PXDN: variants seen among roughly 807,000 people sequenced by gnomAD.
The protein encoded by PXDN is peroxidasin homolog.
In PXDN, 77 loss-of-function variants were observed where a neutral mutation model predicts 140.3. The observed-to-expected ratio is 0.55, with a 90% CI of 0.46 to 0.66. The LOEUF (loss-of-function observed/expected upper bound fraction) is 0.66, where lower values mean the gene tolerates loss of function less well. PXDN is among the 30% of genes least tolerant of loss of function. PXDN has a pLI of 0.00. For synonymous variants in PXDN, 911 were observed against 857.4 expected, an observed-to-expected ratio of 1.06 and a Z score of -1.09; for missense variants, 1,838 against 2,039.5, an observed-to-expected ratio of 0.90 and a Z score of 1.90.
chr2:1,634,936 G>C (rs1268470186), intron 22 of PXDN, among the ~76,000 whole-genome samples: 1 of 150,678 alleles, frequency 6.6e-6, no homozygotes, highest in Non-Finnish European at 1.5e-5. Context: ...CCCTCCACCT[G>C]CCACCAGTCT....
At chr2:1,711,116 G>A (rs1364202814) in intron 1 of PXDN, among the ~76,000 whole-genome samples, 8 of 71,994 alleles carry the variant, frequency 1.1e-4, no homozygotes, top group Non-Finnish European at 1.9e-4. Context: ...CACTCCACCA[G>A]CACCCACTCT....
At position 1,676,935 on chromosome 2, in the gene PXDN, C is replaced by T. The variant is rs1440286741; in HGVS notation, c.840G>A (p.Leu280=). The change falls in exon 8 of 23, where the codon CTG becomes CTA. Residue 280 remains leucine, a synonymous_variant. Transcript: ENST00000252804. ...EGNPKPEIIW[L]RNNNELSMKT... ...GTTTGGCCCCAACTCACTTGTTTCGCAGCCAGATGATCTCAGGCTTGGGGT... is the reference window on the plus strand; with the variant it reads ...GTTTGGCCCCAACTCACTTGTTTCGTAGCCAGATGATCTCAGGCTTGGGGT... 1 of 1,611,370 alleles carries T rather than the reference C, an allele frequency of 6.2e-7. No individual in the cohort carries two copies. The highest frequency in any genetic ancestry group is 8.5e-7 in the Non-Finnish European group (1 of 1,178,954).
chr2:1,722,122 A>G (rs1299117551), intron 1 of PXDN, among the ~76,000 whole-genome samples: 2 of 152,234 alleles, frequency 1.3e-5, no homozygotes, highest in African/African-American at 4.8e-5. Context: ...GGTGTTGACA[A>G]TGGATGGGCT....
rs2125447284 is a variant in PXDN at position 1,687,897 on chromosome 2, A to G, written c.345-194T>C. Reference sequence around the variant, plus strand: ...CTTCCCTCAGATCTCAAGGGGGCTAAAAGCAACCGGTGCCAACTGAAGGTG... The same window carrying G: ...CTTCCCTCAGATCTCAAGGGGGCTAGAAGCAACCGGTGCCAACTGAAGGTG... On this transcript the variant is annotated intron_variant, in intron 3 of 22. Coordinates refer to ENST00000252804, the MANE Select transcript of PXDN (RefSeq NM_012293.3). This position sits in a 1 kb window ranked among gnomAD's most constrained non-coding sequence, Gnocchi z 4.0. 6.6e-6 allele frequency among the ~76,000 whole-genome samples: 1 copy of G among 152,322 alleles called. No individual in the cohort carries two copies. Among genetic ancestry groups the G allele is most frequent in the East Asian group, 1.9e-4 (1 of 5,178 alleles).
At chr2:1,708,250 TAA>T (rs1373037847) in intron 1 of PXDN, among the ~76,000 whole-genome samples, 1 of 152,174 alleles carries the variant, frequency 6.6e-6, no homozygotes, top group Non-Finnish European at 1.5e-5. Flanking sequence ...TGCAATTAGT[TAA>T]GAGGGGGAAA....
At chr2:1,717,382 T>A (rs2125475859) in intron 1 of PXDN, among the ~76,000 whole-genome samples, 1 of 152,284 alleles carries the variant, frequency 6.6e-6, no homozygotes, top group South Asian at 2.1e-4. Context: ...CGCCCGGGGC[T>A]ATCTGATTCA....
At chr2:1,741,525 G>A (rs1055524976) in intron 1 of PXDN, among the ~76,000 whole-genome samples, 4 of 152,038 alleles carry the variant, frequency 2.6e-5, no homozygotes, top group Admixed American at 6.6e-5. Context: ...TTATTCCACT[G>A]TTTTCCAAAG....
At chr2:1,670,791 A>G (rs1427774869) in intron 9 of PXDN, among the ~76,000 whole-genome samples, 1 of 152,226 alleles carries the variant, frequency 6.6e-6, no homozygotes, top group Non-Finnish European at 1.5e-5. Flanking sequence ...ACTGAACAGC[A>G]GCTGCATCCC....
Position 1,639,313 on chromosome 2 carries a change from C to T in PXDN, c.4062G>A (p.Arg1354=), listed in dbSNP as rs759309059. The T allele has an allele frequency of 1.2e-6, 2 of 1,613,388 alleles. No homozygotes were observed. The highest frequency in any genetic ancestry group is 3.3e-5 in the Admixed American group (2 of 59,888). ...EDKPTKKTRP[R]KIPSVGRQGE... Reference sequence around the variant, plus strand: ...AGAGACCACCATACCTGGGTATTTTCCGTGGTCTTGTTTTCTTGGTCGGCT... The same window carrying T: ...AGAGACCACCATACCTGGGTATTTTTCGTGGTCTTGTTTTCTTGGTCGGCT... Residue 1354 remains arginine, a synonymous_variant, in exon 20 of 23, where the codon CGG becomes CGA. Transcript: ENST00000252804. The surrounding 1 kb of genome is among the most constrained non-coding windows in gnomAD (Gnocchi z 5.0).
At chr2:1,711,770 G>A (rs574828766) in intron 1 of PXDN, among the ~76,000 whole-genome samples, 3 of 152,310 alleles carry the variant, frequency 2.0e-5, no homozygotes, top group South Asian at 2.1e-4. Flanking sequence ...TGGTGATGAC[G>A]CCCCTAAACA....
chr2:1,640,673 C>T (rs1261301614), intron 19 of PXDN, among the ~76,000 whole-genome samples: 1 of 152,188 alleles, frequency 6.6e-6, no homozygotes, highest in African/African-American at 2.4e-5. Flanking sequence ...CTTAAAACTC[C>T]TGGGCACACA....
chr2:1,738,987 C>T (rs1685479221), intron 1 of PXDN, among the ~76,000 whole-genome samples: 1 of 152,176 alleles, frequency 6.6e-6, no homozygotes, highest in African/African-American at 2.4e-5. Flanking sequence ...ATGCAACACC[C>T]ACTTCGCTTA....
chr2:1,723,614 G>A (rs1404685234), intron 1 of PXDN, among the ~76,000 whole-genome samples: 2 of 151,892 alleles, frequency 1.3e-5, no homozygotes, highest in Non-Finnish European at 2.9e-5. Flanking sequence ...AAATGGATAG[G>A]TGGTTATGGA....
rs1684015990 is a variant in PXDN at position 1,685,006 on chromosome 2, G to A, written c.417-855C>T. Among the ~76,000 whole-genome samples, 1 of 152,220 alleles carries A rather than the reference G, an allele frequency of 6.6e-6. No individual in the cohort carries two copies. The highest frequency in any genetic ancestry group is 2.1e-4 in the South Asian group (1 of 4,834). ...AAATGAGCAAAGAAGCAGCATGCCA[G>A]CGTTCACAGGTCTTCATAACTCCAC... is the stretch of plus-strand genomic sequence containing the variant. On this transcript the variant is annotated intron_variant, in intron 4 of 22. Transcript: ENST00000252804. The surrounding 1 kb of genome is among the most constrained non-coding windows in gnomAD (Gnocchi z 5.1).
At chr2:1,680,457 A>T in intron 6 of PXDN, 95 bp from the exon 7 acceptor site, 1 of 1,471,198 alleles carries the variant, frequency 6.8e-7, no homozygotes, top group Non-Finnish European at 9.4e-7. Flanking sequence ...GTCGGGAAAC[A>T]TGTGCCAGGC....
chr2:1,720,685 TTC>T (rs371897369), intron 1 of PXDN, among the ~76,000 whole-genome samples: 21 of 37,808 alleles, frequency 5.6e-4, no homozygotes, highest in African/African-American at 1.4e-3. Context: ...CTGCATCTCT[TTC>T]TCTCTCTCTC....
At chr2:1,635,073 C>T (rs1380010200) in intron 22 of PXDN, among the ~76,000 whole-genome samples, 1 of 150,432 alleles carries the variant, frequency 6.6e-6, no homozygotes, top group Non-Finnish European at 1.5e-5. Context: ...CTACCCCATT[C>T]ATGGGTTTCC....
chr2:1,728,073 G>C (rs1292463046), intron 1 of PXDN, among the ~76,000 whole-genome samples: 1 of 152,124 alleles, frequency 6.6e-6, no homozygotes, highest in Non-Finnish European at 1.5e-5. Context: ...TGAGTAGCCA[G>C]GACTACAGGC....
rs1275384223 is a variant in PXDN at position 1,680,362 on chromosome 2, C to T, written c.561G>A (p.Leu187=). ...TFNHLESMKR[L]RLDSNTLHCD... is the part of the protein sequence containing the mutation. ...AGTGAAGTGTGTTTGAGTCCAGTCG[C>T]CTGTGGGAAGGAAGATGCAGCCGGT... Residue 187 remains leucine, a splice_region_variant and synonymous_variant, in exon 7 of 23, where the codon TTG becomes TTA. Transcript: ENST00000252804. 3 of 1,613,958 alleles carry T rather than the reference C, an allele frequency of 1.9e-6. No homozygotes were observed. The South Asian group carries it at 3.3e-5, about 18-fold the overall frequency.
Sources: gnomAD v4.1 joint callset for allele counts (sites outside exome capture counted in the v4.1 genomes callset) on GRCh38, gnomAD v4.1.1 for gene constraint, Gnocchi (gnomAD v3.1) non-coding constraint, MANE v1.5 for transcripts, NCBI Gene and HGNC (gene_info 2026-07-23, HGNC 2026-07-21) for gene names.